The following ZRANB3 variants were observed in gnomAD, a reference collection of about 807,000 sequenced individuals.
ZRANB3 encodes the protein DNA annealing helicase and endonuclease ZRANB3.
In ZRANB3, 125 loss-of-function variants were observed where a neutral mutation model predicts 133.8. That is an observed-to-expected ratio of 0.93 (90% CI 0.81 to 1.08). The LOEUF (loss-of-function observed/expected upper bound fraction) is 1.08, where lower values mean the gene tolerates loss of function less well. ZRANB3 is among the 50% of genes least tolerant of loss of function. ZRANB3 has a pLI of 0.00. For missense variants in ZRANB3, 1,229 were observed against 1,275.5 expected (o/e 0.96, Z 0.56); for synonymous variants, 387 against 432.7 (o/e 0.89, Z 1.31).
Position 135,306,243 on chromosome 2 carries a change from A to T in ZRANB3, c.966+7246T>A, listed in dbSNP as rs185449324. Among the ~76,000 whole-genome samples the T allele has an allele frequency of 6.0e-5, 9 of 150,950 alleles. No homozygotes were observed. The East Asian group carries it at 1.8e-3, about 29-fold the overall frequency. Reference sequence around the variant, plus strand: ...ATTTGGACACTTTATGGTATTCCATAGGCTTTCCCCATCCCTTTTTATTCT... The same window carrying T: ...ATTTGGACACTTTATGGTATTCCATTGGCTTTCCCCATCCCTTTTTATTCT... On this transcript the variant is annotated intron_variant, in intron 8 of 20. Transcript: ENST00000264159.
intron 1 of ZRANB3, among the ~76,000 whole-genome samples, chr2:135,505,398 AC>A (rs1574220439): frequency 6.6e-6 from 1 of 151,848 alleles, no homozygotes; most frequent in Non-Finnish European, 1.5e-5. Flanking sequence ...ATATGTTGAA[AC>A]CCCATATCTA....
intron 2 of ZRANB3, among the ~76,000 whole-genome samples, chr2:135,489,499 T>C (rs764894868): frequency 6.6e-5 from 10 of 151,840 alleles, no homozygotes; most frequent in Non-Finnish European, 8.8e-5. Flanking sequence ...TAGTCAAATA[T>C]GTTGCCACAA....
At chr2:135,340,726 C>G (rs757508050) in intron 6 of ZRANB3, among the ~76,000 whole-genome samples, 1 of 151,842 alleles carries the variant, frequency 6.6e-6, no homozygotes, top group Non-Finnish European at 1.5e-5. Context: ...GGTGGCGGCA[C>G]GCGCCTGTAA....
intron 6 of ZRANB3, chr2:135,345,190 A>C (rs1684858649): frequency 5.8e-6 from 1 of 171,576 alleles, no homozygotes; most frequent in Non-Finnish European, 1.3e-5. Flanking sequence ...ATAGTCCACC[A>C]ATTATTTCAT....
At chr2:135,381,344 GC>G (rs1686687451) in intron 3 of ZRANB3, among the ~76,000 whole-genome samples, 4 of 152,190 alleles carry the variant, frequency 2.6e-5, no homozygotes, top group Admixed American at 2.0e-4. Flanking sequence ...GGTAAACAAA[GC>G]GGCCTGGAAG....
At chr2:135,340,208 T>C (rs1684576182) in intron 6 of ZRANB3, among the ~76,000 whole-genome samples, 1 of 151,174 alleles carries the variant, frequency 6.6e-6, no homozygotes, top group South Asian at 2.1e-4. Flanking sequence ...TCAGTTCTAG[T>C]GATTCTCCTG....
chr2:135,465,667 T>C (rs1690955747), intron 2 of ZRANB3, among the ~76,000 whole-genome samples: 1 of 151,890 alleles, frequency 6.6e-6, no homozygotes, highest in Non-Finnish European at 1.5e-5. Flanking sequence ...AATTGACAAA[T>C]GGGATCTAAT....
intron 7 of ZRANB3, among the ~76,000 whole-genome samples, chr2:135,314,457 GA>G (rs1306738263): frequency 6.6e-6 from 1 of 152,058 alleles, no homozygotes; most frequent in Non-Finnish European, 1.5e-5. Flanking sequence ...AGATAACAAT[GA>G]AAAACTCTGT....
chr2:135,302,039 A>G (rs183438494), intron 8 of ZRANB3, among the ~76,000 whole-genome samples: 11 of 152,356 alleles, frequency 7.2e-5, no homozygotes, highest in Middle Eastern at 6.8e-3. Flanking sequence ...TTTCAAGTTC[A>G]TTTACAAACT....
intron 8 of ZRANB3, among the ~76,000 whole-genome samples, chr2:135,294,286 C>G (rs1172366565): frequency 6.6e-6 from 1 of 152,112 alleles, no homozygotes; most frequent in Non-Finnish European, 1.5e-5. Flanking sequence ...TGTTATTGGT[C>G]TATTCAGGGA....
intron 9 of ZRANB3, among the ~76,000 whole-genome samples, chr2:135,275,435 T>C (rs1311330338): frequency 6.6e-6 from 1 of 151,820 alleles, no homozygotes; most frequent in Non-Finnish European, 1.5e-5. Flanking sequence ...AATTATGAGA[T>C]CAGTTAAGAA....
At position 135,345,645 on chromosome 2, in the gene ZRANB3, T is replaced by A; in HGVS notation, c.592-10A>T. On this transcript the variant is annotated splice_polypyrimidine_tract_variant and intron_variant, in intron 5 of 20. Transcript: ENST00000264159. ...CAATCTGCATAAAAAGCTATAATAA[T>A]ACAAGTGTTTGTAGTATGTTGTAAT... 1 of 1,571,676 alleles carries A rather than the reference T, an allele frequency of 6.4e-7. No individual in the cohort carries two copies. Among genetic ancestry groups the A allele is most frequent in the Non-Finnish European group, 8.7e-7 (1 of 1,147,056 alleles).
intron 2 of ZRANB3, among the ~76,000 whole-genome samples, chr2:135,398,400 C>T (rs918935562): frequency 2.0e-5 from 3 of 151,922 alleles, no homozygotes; most frequent in African/African-American, 7.3e-5. Flanking sequence ...CTACTAGCTT[C>T]TGACTCCTGA....
At chr2:135,499,836 T>TG (rs1472452902) in intron 2 of ZRANB3, among the ~76,000 whole-genome samples, 1 of 152,156 alleles carries the variant, frequency 6.6e-6, no homozygotes, top group Non-Finnish European at 1.5e-5. Context: ...ATTCATATGT[T>TG]GAAGTTCAAA....
At chr2:135,422,280 G>A (rs1374359745) in intron 2 of ZRANB3, among the ~76,000 whole-genome samples, 1 of 151,998 alleles carries the variant, frequency 6.6e-6, no homozygotes, top group African/African-American at 2.4e-5. Context: ...ACCCACTCAA[G>A]TGAGGCTTTA....
chr2:135,514,283 T>G (rs1693604876), intron 1 of ZRANB3, among the ~76,000 whole-genome samples: 1 of 152,184 alleles, frequency 6.6e-6, no homozygotes, highest in South Asian at 2.1e-4. Flanking sequence ...GCATGGAATG[T>G]TTTTCCATTT....
At chr2:135,506,722 A>T (rs1378647584) in intron 1 of ZRANB3, among the ~76,000 whole-genome samples, 1 of 152,232 alleles carries the variant, frequency 6.6e-6, no homozygotes, top group Non-Finnish European at 1.5e-5. Flanking sequence ...ACAGTACTCA[A>T]TGGAAGGTTT....
chr2:135,328,370 C>T (rs1377337374), intron 6 of ZRANB3, among the ~76,000 whole-genome samples: 2 of 152,016 alleles, frequency 1.3e-5, no homozygotes, highest in East Asian at 1.9e-4. Flanking sequence ...GTTTCATCCA[C>T]GTCGCTGCAA....
chr2:135,505,425 T>G (rs1693130382), intron 1 of ZRANB3, among the ~76,000 whole-genome samples: 1 of 151,966 alleles, frequency 6.6e-6, no homozygotes, highest in African/African-American at 2.4e-5. Context: ...AATACAAAAA[T>G]TAGCTGGGCG....
Sources: allele counts gnomAD v4.1 joint callset (sites outside exome capture counted in the v4.1 genomes callset), GRCh38; gene constraint gnomAD v4.1.1; transcripts MANE v1.5; gene names NCBI Gene and HGNC (gene_info 2026-07-23, HGNC 2026-07-21).